ARHGAP6: variants seen among roughly 807,000 people sequenced by gnomAD.
ARHGAP6 encodes the protein rho GTPase-activating protein 6.
In ARHGAP6, 16 loss-of-function variants were observed where a neutral mutation model predicts 55.7. The ratio of observed to expected loss-of-function variants is 0.29; its 90% CI spans 0.19 to 0.44. The LOEUF is 0.44. Among genes scored for constraint, ARHGAP6 ranks in the 20% least tolerant of loss-of-function variants. ARHGAP6 has a pLI of 1.00. For missense variants in ARHGAP6, 698 were observed against 808.9 expected, an observed-to-expected ratio of 0.86 and a Z score of 1.66; for synonymous variants, 382 against 360.9, an observed-to-expected ratio of 1.06 and a Z score of -0.66.
At chrX:11,558,560 A>G (rs7889106) in intron 1 of ARHGAP6, among the ~76,000 whole-genome samples, 30,675 of 109,284 alleles carry the variant, frequency 0.28, 3,386 homozygotes, top group Middle Eastern at 0.39. Flanking sequence ...AAATTTTGCC[A>G]GGTGTGGTGG....
At chrX:11,590,651 G>T in intron 1 of ARHGAP6, among the ~76,000 whole-genome samples, 1 of 105,168 alleles carries the variant, frequency 9.5e-6, no homozygotes, top group East Asian at 3.0e-4. Flanking sequence ...CAGGCGTGGT[G>T]GTGCACGCCT....
chrX:11,639,743 A>G (rs1251014860), intron 1 of ARHGAP6, among the ~76,000 whole-genome samples: 1 of 110,683 alleles, frequency 9.0e-6, no homozygotes, highest in Non-Finnish European at 1.9e-5. Context: ...AAAGATTGAA[A>G]GAAAAAGAGA....
At chrX:11,186,883 G>A (rs1028361578) in intron 4 of ARHGAP6, among the ~76,000 whole-genome samples, 10 of 111,482 alleles carry the variant, frequency 9.0e-5, no homozygotes, top group South Asian at 3.9e-4. Flanking sequence ...TAGTTTTCCC[G>A]AGAAACAACA....
intron 1 of ARHGAP6, among the ~76,000 whole-genome samples, chrX:11,543,696 T>A (rs950209251): frequency 8.9e-6 from 1 of 112,065 alleles, no homozygotes; most frequent in Non-Finnish European, 1.9e-5. Flanking sequence ...ACAAGTGACA[T>A]TGCCACTAGA....
At chrX:11,514,519 C>A (rs2050817215) in intron 1 of ARHGAP6, among the ~76,000 whole-genome samples, 1 of 110,027 alleles carries the variant, frequency 9.1e-6, no homozygotes, top group Non-Finnish European at 1.9e-5. Context: ...GTTCCCAACA[C>A]CCTGCCAGCT....
intron 1 of ARHGAP6, among the ~76,000 whole-genome samples, chrX:11,467,947 T>C (rs2050310115): frequency 9.3e-6 from 1 of 107,995 alleles, no homozygotes; most frequent in African/African-American, 3.4e-5. Flanking sequence ...GCCACTGCAC[T>C]CCAGCCTGGG....
chrX:11,488,448 A>G (rs2147845224), intron 1 of ARHGAP6, among the ~76,000 whole-genome samples: 1 of 111,749 alleles, frequency 8.9e-6, no homozygotes, highest in South Asian at 3.8e-4. Context: ...AATCACCACC[A>G]TTAAAAACGA....
chrX:11,573,589 A>C (rs377061638), intron 1 of ARHGAP6, among the ~76,000 whole-genome samples: 8 of 110,145 alleles, frequency 7.3e-5, no homozygotes, highest in South Asian at 3.9e-4. Context: ...GTTACTGTAG[A>C]CTTGTAGTAT....
At chrX:11,552,599 T>TATATATATATATATACAC (rs1491079107) in intron 1 of ARHGAP6, among the ~76,000 whole-genome samples, 1 of 48,230 alleles carries the variant, frequency 2.1e-5, no homozygotes. Context: ...TATATATATA[T>TATATATATATATATACAC]AGACACACAC....
intron 1 of ARHGAP6, among the ~76,000 whole-genome samples, chrX:11,409,133 G>T (rs1296272106): frequency 8.9e-6 from 1 of 111,908 alleles, no homozygotes; most frequent in Non-Finnish European, 1.9e-5. Context: ...GCTTGAACTT[G>T]CTATGCCACT....
At chrX:11,621,908 A>T (rs1471992762) in intron 1 of ARHGAP6, among the ~76,000 whole-genome samples, 2 of 111,612 alleles carry the variant, frequency 1.8e-5, no homozygotes, top group Non-Finnish European at 3.8e-5. Flanking sequence ...ATACAGTTTG[A>T]CCTGTGAAGA....
intron 1 of ARHGAP6, among the ~76,000 whole-genome samples, chrX:11,572,270 GCTGGTGTGCCGTA>G (rs1166065714): frequency 2.7e-5 from 3 of 109,445 alleles, no homozygotes; most frequent in Non-Finnish European, 5.7e-5. Flanking sequence ...CATGTGCCAC[GCTGGTGTGCCGTA>G]CCCATTAACT....
At chrX:11,502,780 C>T (rs2050693055) in intron 1 of ARHGAP6, among the ~76,000 whole-genome samples, 1 of 112,495 alleles carries the variant, frequency 8.9e-6, no homozygotes, top group South Asian at 3.6e-4. Flanking sequence ...ATTCATATAA[C>T]ATACAAAATA....
intron 1 of ARHGAP6, among the ~76,000 whole-genome samples, chrX:11,292,589 G>A (rs2048013360): frequency 8.9e-6 from 1 of 111,825 alleles, no homozygotes; most frequent in Admixed American, 9.5e-5. Flanking sequence ...AAGAAGGGCC[G>A]CCATACTGAG....
chrX:11,308,532 T>C (rs747821201), intron 1 of ARHGAP6, among the ~76,000 whole-genome samples: 11 of 111,740 alleles, frequency 9.8e-5, no homozygotes, highest in Middle Eastern at 4.6e-3. Context: ...ATCGATGTTA[T>C]AGAATCTTGA....
intron 1 of ARHGAP6, among the ~76,000 whole-genome samples, chrX:11,329,330 G>A (rs1398957670): frequency 1.8e-5 from 2 of 111,716 alleles, no homozygotes; most frequent in African/African-American, 6.5e-5. Context: ...GTATTCAACA[G>A]TTTGACATAC....
chrX:11,507,803 T>C (rs2050748979), intron 1 of ARHGAP6, among the ~76,000 whole-genome samples: 2 of 112,006 alleles, frequency 1.8e-5, no homozygotes, highest in Non-Finnish European at 3.8e-5. Flanking sequence ...TGCAGTTGCC[T>C]CTACTGACAA....
At chrX:11,439,096 C>T (rs1475136375) in intron 1 of ARHGAP6, among the ~76,000 whole-genome samples, 2 of 112,050 alleles carry the variant, frequency 1.8e-5, no homozygotes, top group African/African-American at 6.5e-5. Flanking sequence ...TCTAGAAAAA[C>T]CTAGGAAAAC....
At chrX:11,560,754 G>A (rs141167339) in intron 1 of ARHGAP6, among the ~76,000 whole-genome samples, 1,439 of 112,358 alleles carry the variant, frequency 0.013, 20 homozygotes, top group African/African-American at 0.044. Context: ...ACACCAGAAA[G>A]TCAAATGCTC....
Sources: gnomAD v4.1 joint callset for allele counts (sites outside exome capture counted in the v4.1 genomes callset) on GRCh38, gnomAD v4.1.1 for gene constraint, MANE v1.5 for transcripts, NCBI Gene and HGNC (gene_info 2026-07-23, HGNC 2026-07-21) for gene names.